COL21A1: variants seen among roughly 807,000 people sequenced by gnomAD.
The protein encoded by COL21A1 is collagen type XXI alpha 1 chain, also known as collagen alpha-1(XXI) chain.
COL21A1 carries 149 observed loss-of-function variants against 137.9 expected under a neutral mutation model. The observed-to-expected ratio is 1.08, with a 90% CI of 0.95 to 1.24. The LOEUF (loss-of-function observed/expected upper bound fraction) is 1.24. Ranked by LOEUF, COL21A1 falls within the 50% of genes most tolerant of loss-of-function variation. The probability of loss-of-function intolerance (pLI) is 0.00; values close to 1 mark genes in which losing one functional copy is unlikely to be tolerated. For synonymous variants in COL21A1, 456 were observed against 391.5 expected, an observed-to-expected ratio of 1.16 and a Z score of -1.95; for missense variants, 1,167 against 1,158.4, an observed-to-expected ratio of 1.01 and a Z score of -0.11.
At chr6:56,112,716 C>G (rs962045798) in intron 16 of COL21A1, among the ~76,000 whole-genome samples, 26 of 136,976 alleles carry the variant, frequency 1.9e-4, no homozygotes, top group Non-Finnish European at 3.2e-4. Context: ...CGGAGTTTCG[C>G]TCTTGTTAGC....
chr6:56,060,032 A>C lies in COL21A1; in HGVS notation c.2594T>G (p.Val865Gly). The change falls in exon 28 of 30, where the codon GTC becomes GGC. Residue 865 changes from valine (V) to glycine (G), a missense_variant. By Grantham distance (109) the Val-to-Gly change is moderately radical (BLOSUM62 -3). Coordinates refer to ENST00000244728, the MANE Select transcript of COL21A1 (RefSeq NM_030820.4). Reference sequence around the variant, plus strand: ...TAACTGCATACCTTTTAATCCTCTGACACCTGGACGTCCAGGGACACCCAC... The same window carrying C: ...TAACTGCATACCTTTTAATCCTCTGCCACCTGGACGTCCAGGGACACCCAC... ...GLVGVPGRPG[V>G]RGLKGLPGRN... 6.3e-7 allele frequency: 1 copy of C among 1,597,514 alleles called. No individual in the cohort carries two copies. Among genetic ancestry groups the C allele is most frequent in the Non-Finnish European group, 8.5e-7 (1 of 1,175,372 alleles).
intron 1 of COL21A1, among the ~76,000 whole-genome samples, chr6:56,240,641 T>C (rs1039487563): frequency 6.6e-6 from 1 of 152,158 alleles, no homozygotes; most frequent in African/African-American, 2.4e-5. Context: ...TGATGGCCTA[T>C]AATGGTGCTT....
intron 17 of COL21A1, among the ~76,000 whole-genome samples, chr6:56,096,891 GTTTA>G (rs1300445387): frequency 6.6e-6 from 1 of 151,956 alleles, no homozygotes; most frequent in African/African-American, 2.4e-5. Context: ...ATGGAAGAAT[GTTTA>G]TTTCTTTGTG....
chr6:56,078,055 T>TA (rs943735635), intron 17 of COL21A1: 1 of 455,402 alleles, frequency 2.2e-6, no homozygotes, highest in Non-Finnish European at 4.4e-6. Context: ...AATATTCATA[T>TA]AAAAAATGGC....
At chr6:56,229,020 C>G (rs986444037) in intron 1 of COL21A1, among the ~76,000 whole-genome samples, 1 of 151,860 alleles carries the variant, frequency 6.6e-6, no homozygotes, top group African/African-American at 2.4e-5. Context: ...ATTGTTACTT[C>G]CAGATAATAG....
intron 6 of COL21A1, 78 bp from the exon 7 acceptor site, chr6:56,167,061 A>T (rs1776640296): frequency 1.1e-6 from 1 of 935,406 alleles, no homozygotes; most frequent in Non-Finnish European, 1.7e-6. Flanking sequence ...ATACATAGAA[A>T]CATCCACTAT....
chr6:56,299,098 T>C (rs1764224842), intron 1 of COL21A1, among the ~76,000 whole-genome samples: 1 of 152,102 alleles, frequency 6.6e-6, no homozygotes, highest in Non-Finnish European at 1.5e-5. Context: ...GCTTCTTGTC[T>C]CCAAACTGTT....
In COL21A1 at chr6:56,056,736, A is replaced by G. The variant is rs1268082465; in HGVS notation, c.*921T>C. ...AGACTGTTCATAATATTTTACAGTC[A>G]GCTAAAAATAACAAGACATTCTAGG... On this transcript the variant is annotated 3_prime_UTR_variant, in exon 30 of 30. Transcript: ENST00000244728. 1 of 152,234 alleles carries G rather than the reference A, an allele frequency of 6.6e-6. No individual in the cohort carries two copies. The highest frequency in any genetic ancestry group is 1.5e-5 in the Non-Finnish European group (1 of 68,036). The allele number at this position is 152,234 out of a possible 1,614,324, so 9.4% of individuals were successfully genotyped here.
rs918646990 is a variant in COL21A1 at position 56,101,479 on chromosome 6, C to A, written c.1805G>T (p.Gly602Val). The change falls in exon 17 of 30, where the codon GGA (glycine) becomes GTA (valine). Residue 602 changes from glycine (G) to valine (V), a missense_variant. By Grantham distance (109) the Gly-to-Val change is moderately radical (BLOSUM62 -3). Coordinates refer to ENST00000244728, the MANE Select transcript of COL21A1 (RefSeq NM_030820.4). ...AAATGAGAAGGTACTCACAGGCTCTCCCCGTGTTCCATCCTGCCCCGGAGC... is the reference window on the plus strand; with the variant it reads ...AAATGAGAAGGTACTCACAGGCTCTACCCGTGTTCCATCCTGCCCCGGAGC... ...PGAPGQDGTR[G>V]EPGIPGFPGN... 3 of 1,593,964 alleles carry A rather than the reference C, an allele frequency of 1.9e-6. No homozygotes were observed. The highest frequency in any genetic ancestry group is 4.5e-5 in the East Asian group (2 of 44,432).
intron 1 of COL21A1, among the ~76,000 whole-genome samples, chr6:56,299,169 C>A (rs552788441): frequency 6.6e-6 from 1 of 152,042 alleles, no homozygotes; most frequent in Middle Eastern, 3.2e-3. Flanking sequence ...GGTTCAAACA[C>A]GGAGCTAAAT....
chr6:56,171,070 A>G lies in COL21A1; in HGVS notation c.699T>C (p.Ile233=). ...VAARDERGFD[I]LLGLDVNKKV... The stretch of plus-strand genomic sequence containing the variant: ...TTTTATTTACATCTAAACCTAAAAG[A>G]ATATCAAATCCCCTTTCATCACGAG... The change falls in exon 4 of 30, where the codon ATT becomes ATC. Residue 233 remains isoleucine (I), a synonymous_variant. Coordinates refer to ENST00000244728, the MANE Select transcript of COL21A1 (RefSeq NM_030820.4). The G allele has an allele frequency of 6.2e-7, 1 of 1,609,896 alleles. No homozygotes were observed. Among genetic ancestry groups the G allele is most frequent in the African/African-American group, 1.3e-5 (1 of 74,838 alleles).
At chr6:56,125,234 T>C (rs571003463) in intron 14 of COL21A1, among the ~76,000 whole-genome samples, 34 of 150,772 alleles carry the variant, frequency 2.3e-4, no homozygotes, top group African/African-American at 8.3e-4. Flanking sequence ...TTGGCCAGGC[T>C]GGTCTCGAAC....
At chr6:56,270,028 C>A (rs545585861) in intron 1 of COL21A1, among the ~76,000 whole-genome samples, 24 of 152,288 alleles carry the variant, frequency 1.6e-4, no homozygotes, top group African/African-American at 5.1e-4. Context: ...ACAATCAAGT[C>A]TACAAAACAA....
At chr6:56,319,328 A>ATCT (rs996372207) in intron 1 of COL21A1, among the ~76,000 whole-genome samples, 5 of 151,984 alleles carry the variant, frequency 3.3e-5, no homozygotes, top group African/African-American at 1.2e-4. Flanking sequence ...TGGAACAGAG[A>ATCT]TCTTTTGTAC....
At chr6:56,137,174 A>G (rs976720662) in intron 12 of COL21A1, among the ~76,000 whole-genome samples, 1 of 152,188 alleles carries the variant, frequency 6.6e-6, no homozygotes, top group Admixed American at 6.5e-5. Flanking sequence ...AGGATAATTT[A>G]CTTCACAATT....
At chr6:56,169,628 A>G (rs1285493628) in intron 5 of COL21A1, among the ~76,000 whole-genome samples, 2 of 152,002 alleles carry the variant, frequency 1.3e-5, no homozygotes, top group East Asian at 3.8e-4. Context: ...TCAATACTGA[A>G]TCATTTATTT....
chr6:56,260,892 G>GTGTGTGCA (rs1763257620), intron 1 of COL21A1, among the ~76,000 whole-genome samples: 1 of 125,130 alleles, frequency 8.0e-6, no homozygotes, highest in South Asian at 2.4e-4. Context: ...GTGTGTGTGT[G>GTGTGTGCA]TACCTTTTAT....
intron 1 of COL21A1, among the ~76,000 whole-genome samples, chr6:56,331,228 T>C (rs1227981008): frequency 6.6e-6 from 1 of 152,050 alleles, no homozygotes; most frequent in Non-Finnish European, 1.5e-5. Context: ...TTTGTCAATA[T>C]TTTCTTCCAT....
chr6:56,272,329 T>C (rs969493827), intron 1 of COL21A1, among the ~76,000 whole-genome samples: 1 of 152,204 alleles, frequency 6.6e-6, no homozygotes, highest in Non-Finnish European at 1.5e-5. Context: ...GGTTTTGGAC[T>C]TGAATGGAGC....
Sources: allele counts gnomAD v4.1 joint callset (sites outside exome capture counted in the v4.1 genomes callset), GRCh38; gene constraint gnomAD v4.1.1; transcripts MANE v1.5; gene names NCBI Gene and HGNC (gene_info 2026-07-23, HGNC 2026-07-21).